Variants in RBM27 observed in about 807,000 individuals in gnomAD.
RBM27 encodes RNA binding motif protein 27.
A neutral mutation model predicts 135.3 loss-of-function variants in RBM27; 22 were observed. The ratio of observed to expected loss-of-function variants is 0.16; its 90% CI spans 0.12 to 0.23. RBM27 has a LOEUF of 0.23. Among genes scored for constraint, RBM27 ranks in the 10% least tolerant of loss-of-function variants. RBM27 has a pLI of 1.00. For missense variants in RBM27, 1,009 were observed against 1,281.0 expected (o/e 0.79, Z 3.24); for synonymous variants, 481 against 442.4 (o/e 1.09, Z -1.10).
At chr5:146,277,724 G>T (rs1306061939) in intron 19 of RBM27, among the ~76,000 whole-genome samples, 6 of 150,760 alleles carry the variant, frequency 4.0e-5, no homozygotes. Context: ...AGTAGAGGCG[G>T]GGTTTCACCA....
Position 146,255,457 on chromosome 5 carries a change from C to T in RBM27, c.1594+365C>T, listed in dbSNP as rs1035634957. Reference sequence around the variant, plus strand: ...CTCAAAGAACTGATCATTGAAGGACCTGCTTTGTATCCTAAGAGCTATGCA... The same window carrying T: ...CTCAAAGAACTGATCATTGAAGGACTTGCTTTGTATCCTAAGAGCTATGCA... On this transcript the variant is annotated intron_variant, in intron 10 of 20. Coordinates refer to ENST00000265271, the MANE Select transcript of RBM27 (RefSeq NM_018989.2). Among the ~76,000 whole-genome samples, 10 of 152,134 alleles carry T rather than the reference C, an allele frequency of 6.6e-5. No individual in the cohort carries two copies. The East Asian group carries it at 1.9e-3, about 29-fold the overall frequency.
chr5:146,263,976 A>G (rs915307607), intron 14 of RBM27, among the ~76,000 whole-genome samples: 5 of 151,528 alleles, frequency 3.3e-5, no homozygotes, highest in Non-Finnish European at 4.4e-5. Context: ...GCGTGGTGGC[A>G]GACACCTGTA....
In RBM27 at chr5:146,211,251, GCC is replaced by G. The variant is rs1272641602; in HGVS notation, c.59+7428_59+7429del. Among the ~76,000 whole-genome samples the G allele has an allele frequency of 2.6e-5, 4 of 152,208 alleles. No homozygotes were observed. In the East Asian group the frequency reaches 7.7e-4, roughly 29 times the overall value. On this transcript the variant is annotated intron_variant, in intron 1 of 20. Coordinates refer to ENST00000265271, the MANE Select transcript of RBM27 (RefSeq NM_018989.2). ...GCTATGATCAAGCCACTGTACTCCA[GCC>G]TGGGCAACAGAATGAGACCCTGTCT...
chr5:146,215,996 G>A (rs554730436), intron 1 of RBM27, among the ~76,000 whole-genome samples: 1 of 152,212 alleles, frequency 6.6e-6, no homozygotes, highest in Admixed American at 6.5e-5. Context: ...TGATCCTCCT[G>A]CCTCGACCTC....
rs2126762922 is a variant in RBM27 at position 146,233,756 on chromosome 5, T to G, written c.1144+13T>G. The G allele has an allele frequency of 1.5e-6, 2 of 1,368,872 alleles. No individual in the cohort carries two copies. Among genetic ancestry groups the G allele is most frequent in the African/African-American group, 2.9e-5 (2 of 68,040 alleles). 84.8% of individuals were successfully genotyped at this position (1,368,872 alleles called of 1,614,324 possible). Reference sequence around the variant, plus strand: ...CTTCCCATACCAAGTAAGTATATATTTGTTGAATTTTTCTCTAGCGTTCTG... The same window carrying G: ...CTTCCCATACCAAGTAAGTATATATGTGTTGAATTTTTCTCTAGCGTTCTG... On this transcript the variant is annotated intron_variant, in intron 7 of 20. Transcript: ENST00000265271.
At chr5:146,241,332 C>A (rs1463152665) in intron 8 of RBM27, among the ~76,000 whole-genome samples, 4 of 152,112 alleles carry the variant, frequency 2.6e-5, no homozygotes, top group African/African-American at 9.7e-5. Flanking sequence ...TTATTGAATG[C>A]CTACTATGTG....
intron 8 of RBM27, among the ~76,000 whole-genome samples, chr5:146,239,467 C>CTTTTTTTTT (rs368919868): frequency 4.6e-5 from 6 of 130,804 alleles, no homozygotes; most frequent in African/African-American, 1.5e-4. Flanking sequence ...TTTTTTTTTC[C>CTTTTTTTTT]TTTTCTTTTT....
chr5:146,223,271 TA>T, intron 2 of RBM27, 131 bp from the exon 3 acceptor site: 1 of 598,904 alleles, frequency 1.7e-6, no homozygotes, highest in Non-Finnish European at 2.6e-6. Flanking sequence ...TTCTCTTCCA[TA>T]AGGTAGGACT....
chr5:146,273,513 T>C lies in RBM27; in HGVS notation c.2988+1839T>C, dbSNP rs551049491. ...GATTTGGATGGCTCTTTTTTTTTCT[T>C]TTTTGATAGCATACTATCAGAAAGG... On this transcript the variant is annotated intron_variant, in intron 19 of 20. Coordinates refer to ENST00000265271, the MANE Select transcript of RBM27 (RefSeq NM_018989.2). 3.3e-5 allele frequency among the ~76,000 whole-genome samples: 5 copies of C among 152,310 alleles called. No individual in the cohort carries two copies. In the South Asian group the frequency reaches 1.0e-3, roughly 32 times the overall value.
chr5:146,232,302 C>T (rs1756972284), intron 6 of RBM27, among the ~76,000 whole-genome samples: 1 of 152,178 alleles, frequency 6.6e-6, no homozygotes, highest in South Asian at 2.1e-4. Context: ...AGAATTACCT[C>T]ATTCTCGCCC....
At chr5:146,261,429 C>A in intron 12 of RBM27, 81 bp from the exon 13 acceptor site, 1 of 1,167,408 alleles carries the variant, frequency 8.6e-7, no homozygotes, top group Non-Finnish European at 1.2e-6. Context: ...TTGGGGAAAA[C>A]ATTCATTACA....
chr5:146,231,032 T>C (rs1045728391), intron 6 of RBM27, 115 bp downstream of exon 6: 11 of 1,269,242 alleles, frequency 8.7e-6, no homozygotes, highest in African/African-American at 1.5e-5. Flanking sequence ...TCTTATTTTA[T>C]TTATTTTGAG....
intron 7 of RBM27, among the ~76,000 whole-genome samples, chr5:146,234,486 C>A: frequency 6.9e-6 from 1 of 144,346 alleles, no homozygotes; most frequent in Admixed American, 7.4e-5. Context: ...GTATGGATCT[C>A]CTTTCTGATA....
intron 7 of RBM27, among the ~76,000 whole-genome samples, chr5:146,235,211 T>C (rs1757107706): frequency 6.6e-6 from 1 of 152,030 alleles, no homozygotes; most frequent in African/African-American, 2.4e-5. Flanking sequence ...ATTGTGAAAA[T>C]GGTTTCACAT....
intron 1 of RBM27, among the ~76,000 whole-genome samples, chr5:146,212,690 A>G (rs1443756872): frequency 6.6e-6 from 1 of 151,732 alleles, no homozygotes; most frequent in African/African-American, 2.4e-5. Flanking sequence ...TGTTTATTGT[A>G]TTATATTGTA....
At chr5:146,269,942 CCT>C (rs1234029802) in intron 17 of RBM27, among the ~76,000 whole-genome samples, 1 of 151,668 alleles carries the variant, frequency 6.6e-6, no homozygotes, top group African/African-American at 2.4e-5. Flanking sequence ...TTGATAATAC[CCT>C]GTTTGAACAA....
intron 14 of RBM27, 66 bp from the exon 15 acceptor site, chr5:146,267,583 G>C: frequency 9.4e-7 from 1 of 1,061,278 alleles, no homozygotes; most frequent in Non-Finnish European, 1.4e-6. Context: ...TTCTAAAAAA[G>C]TATTCTAAGC....
At chr5:146,249,258 T>A (rs1581196291) in intron 8 of RBM27, among the ~76,000 whole-genome samples, 1 of 152,150 alleles carries the variant, frequency 6.6e-6, no homozygotes, top group Admixed American at 6.5e-5. Flanking sequence ...GTTGGGTTTA[T>A]GGATGTGAGC....
At chr5:146,238,454 G>A (rs1757263216) in intron 8 of RBM27, among the ~76,000 whole-genome samples, 2 of 152,332 alleles carry the variant, frequency 1.3e-5, no homozygotes, top group South Asian at 4.1e-4. Flanking sequence ...GTTGCAGTGA[G>A]CCGAGATCGT....
Sources: gnomAD v4.1 joint callset for allele counts (sites outside exome capture counted in the v4.1 genomes callset) on GRCh38, gnomAD v4.1.1 for gene constraint, MANE v1.5 for transcripts, NCBI Gene and HGNC (gene_info 2026-07-23, HGNC 2026-07-21) for gene names.